The following WDFY4 variants were observed in gnomAD, a reference collection of about 807,000 sequenced individuals.
WDFY4 encodes the protein WDFY family member 4.
In WDFY4, 169 loss-of-function variants were observed where a neutral mutation model predicts 351.9. The observed-to-expected ratio is 0.48, with a 90% CI of 0.42 to 0.55. The LOEUF (loss-of-function observed/expected upper bound fraction) is 0.55. WDFY4 is among the 20% of genes least tolerant of loss of function. The pLI, the probability that WDFY4 is intolerant of heterozygous loss-of-function variation, is 0.00. For missense variants in WDFY4, 3,803 were observed against 3,935.6 expected (o/e 0.97, Z 0.90); for synonymous variants, 1,622 against 1,574.6 (o/e 1.03, Z -0.71).
intron 20 of WDFY4, among the ~76,000 whole-genome samples, chr10:48,788,041 C>T (rs2066552079): frequency 6.8e-6 from 1 of 147,230 alleles, no homozygotes; most frequent in South Asian, 2.2e-4. Context: ...TTTCCTTCTT[C>T]TTCTTCGACA....
intron 27 of WDFY4, among the ~76,000 whole-genome samples, chr10:48,806,987 G>A (rs1360846152): frequency 6.6e-6 from 1 of 152,120 alleles, no homozygotes; most frequent in African/African-American, 2.4e-5. Context: ...TCTAGATAAA[G>A]TATTATCTCT....
chr10:48,840,461 A>T (rs1037835192), intron 39 of WDFY4, among the ~76,000 whole-genome samples: 1 of 151,196 alleles, frequency 6.6e-6, no homozygotes, highest in African/African-American at 2.4e-5. Flanking sequence ...TCTCACGCAC[A>T]CACACACACA....
At chr10:48,738,041 G>T (rs754967875) in intron 11 of WDFY4, among the ~76,000 whole-genome samples, 1 of 152,172 alleles carries the variant, frequency 6.6e-6, no homozygotes, top group African/African-American at 2.4e-5. Flanking sequence ...CATGTTCAGC[G>T]TGACTGGCAT....
chr10:48,910,974 A>G, intron 47 of WDFY4: 1 of 913,348 alleles, frequency 1.1e-6, no homozygotes, highest in Non-Finnish European at 1.3e-6. Flanking sequence ...CTAAAGAAAA[A>G]GTGTCTGAAG....
chr10:48,954,088 A>G (rs1183762128), intron 51 of WDFY4, among the ~76,000 whole-genome samples: 1 of 152,186 alleles, frequency 6.6e-6, no homozygotes, highest in African/African-American at 2.4e-5. Context: ...ATTTTGCTTC[A>G]TCTCTTAGCA....
rs927995265 is a variant in WDFY4, at chr10:48,776,676, T to C, written c.2864-74T>C. 28 of 1,336,870 alleles carry C rather than the reference T, an allele frequency of 2.1e-5. No individual in the cohort carries two copies. In the Admixed American group the frequency reaches 2.9e-4, roughly 14 times the overall value. 82.8% of individuals were successfully genotyped at this position (1,336,870 alleles called of 1,614,324 possible). A position where few individuals can be genotyped will look rare whatever the true frequency, so the allele number is the denominator to read the frequency against. On this transcript the variant is annotated intron_variant, in intron 15 of 61. Coordinates refer to ENST00000325239, the MANE Select transcript of WDFY4 (RefSeq NM_001394531.1). ...CTCTTTCTGGGCTGCGGCAGATACTTTGGGGTTATTGTCAGAAGCGAGACA... is the reference window on the plus strand; with the variant it reads ...CTCTTTCTGGGCTGCGGCAGATACTCTGGGGTTATTGTCAGAAGCGAGACA...
In WDFY4 at chr10:48,820,878, C is replaced by T. The variant is rs139404490; in HGVS notation, c.5710-184C>T. Among the ~76,000 whole-genome samples the T allele has an allele frequency of 7.0e-4, 107 of 152,260 alleles. No homozygotes were observed. In the East Asian group the frequency reaches 0.012, roughly 17 times the overall value. ...TTGCCTCCTTACCCTCGGAAGTGGG[C>T]GTTGCTTCCTGGATGAGGCAGCTCA... On this transcript the variant is annotated intron_variant, in intron 33 of 61. Coordinates refer to ENST00000325239, the MANE Select transcript of WDFY4 (RefSeq NM_001394531.1).
intron 47 of WDFY4, among the ~76,000 whole-genome samples, chr10:48,904,664 G>A (rs967911907): frequency 2.4e-4 from 36 of 152,116 alleles, no homozygotes; most frequent in African/African-American, 8.0e-4. Flanking sequence ...AATCATGCAG[G>A]AATCCCACCA....
chr10:48,715,625 T>C (rs559224463), intron 2 of WDFY4, among the ~76,000 whole-genome samples: 1 of 152,128 alleles, frequency 6.6e-6, no homozygotes, highest in African/African-American at 2.4e-5. Flanking sequence ...AGAATTATTT[T>C]TTTATTTTTT....
intron 12 of WDFY4, among the ~76,000 whole-genome samples, chr10:48,754,430 C>A (rs1407045641): frequency 1.3e-5 from 2 of 151,792 alleles, no homozygotes; most frequent in African/African-American, 4.8e-5. Flanking sequence ...AGAGGCCAAA[C>A]CTGCCATTCA....
chr10:48,732,822 G>A (rs1442957842), intron 9 of WDFY4, among the ~76,000 whole-genome samples: 1 of 152,172 alleles, frequency 6.6e-6, no homozygotes, highest in African/African-American at 2.4e-5. Flanking sequence ...GACACCCAGG[G>A]AGGAGCTCAG....
intron 20 of WDFY4, among the ~76,000 whole-genome samples, chr10:48,787,534 T>C (rs956407287): frequency 6.6e-6 from 1 of 152,362 alleles, no homozygotes; most frequent in East Asian, 1.9e-4. Flanking sequence ...TTGGGTATCA[T>C]TGACTTAGAG....
At position 48,774,539 on chromosome 10, in the gene WDFY4, G is replaced by T; in HGVS notation, c.2635G>T (p.Glu879Ter). 6.4e-7 allele frequency: 1 copy of T among 1,551,670 alleles called. No homozygotes were observed. Among genetic ancestry groups the T allele is most frequent in the Admixed American group, 2.0e-5 (1 of 51,012 alleles). ...GGAGAAGAACCGCCAGGTCATGTGC[G>T]AAGCAGGCTTGCTTGGGACCCTCAT... ...KSEKNRQVMC[E>*]AGLLGTLMAS... The change falls in exon 14 of 62, where the codon GAA becomes TAA. Residue 879 changes from glutamate to a stop codon, truncating the protein, a stop_gained. Coordinates refer to ENST00000325239, the MANE Select transcript of WDFY4 (RefSeq NM_001394531.1). LOFTEE classifies it high-confidence loss of function.
At chr10:48,755,837 G>A (rs1807121865) in intron 12 of WDFY4, among the ~76,000 whole-genome samples, 2 of 151,928 alleles carry the variant, frequency 1.3e-5, no homozygotes. Context: ...CTTTACCTTT[G>A]GCTGTCCTGA....
At chr10:48,922,015 C>T (rs1839127149) in intron 47 of WDFY4, among the ~76,000 whole-genome samples, 1 of 152,174 alleles carries the variant, frequency 6.6e-6, no homozygotes, top group African/African-American at 2.4e-5. Context: ...AACCTGTTCA[C>T]AGGTATTTAT....
At chr10:48,787,766 GTT>G (rs140139087) in intron 20 of WDFY4, among the ~76,000 whole-genome samples, 5,537 of 146,730 alleles carry the variant, frequency 0.038, 236 homozygotes, top group Middle Eastern at 0.14. Flanking sequence ...GTTCGCCACA[GTT>G]TTCTTTTTTT....
intron 47 of WDFY4, among the ~76,000 whole-genome samples, chr10:48,930,928 A>T (rs1232557530): frequency 1.3e-5 from 2 of 152,162 alleles, no homozygotes; most frequent in Non-Finnish European, 2.9e-5. Flanking sequence ...GGAGAGAAAG[A>T]ACGCCAAGAA....
intron 54 of WDFY4, among the ~76,000 whole-genome samples, chr10:48,965,693 CT>C (rs35008624): frequency 0.16 from 24,877 of 151,992 alleles, 2,712 homozygotes; most frequent in Non-Finnish European, 0.25. Flanking sequence ...GTGCTTCTGG[CT>C]GGAAAGAGCA....
At chr10:48,951,178 GTGTT>G (rs1841305109) in intron 51 of WDFY4, among the ~76,000 whole-genome samples, 1 of 152,332 alleles carries the variant, frequency 6.6e-6, no homozygotes. Context: ...TATCCTTGCT[GTGTT>G]TGTTTGTTTT....
Sources: gnomAD v4.1 joint callset for allele counts (sites outside exome capture counted in the v4.1 genomes callset) on GRCh38, gnomAD v4.1.1 for gene constraint, MANE v1.5 for transcripts, NCBI Gene and HGNC (gene_info 2026-07-23, HGNC 2026-07-21) for gene names.